PCDHGA4: variants seen among roughly 807,000 people sequenced by gnomAD.
PCDHGA4 encodes protocadherin gamma subfamily A, 4.
In PCDHGA4, 38 loss-of-function variants were observed where a neutral mutation model predicts 54.6. That is an observed-to-expected ratio of 0.70 (90% CI 0.54 to 0.91). PCDHGA4 has a LOEUF of 0.91. Among genes scored for constraint, PCDHGA4 ranks in the 40% least tolerant of loss-of-function variants. The pLI is 0.00. For synonymous variants in PCDHGA4, 511 were observed against 512.9 expected (o/e 1.00, Z 0.05); for missense variants, 1,298 against 1,220.9 (o/e 1.06, Z -0.94).
chr5:141,420,669 G>A (rs1018355067), intron 1 of PCDHGA4, among the ~76,000 whole-genome samples: 2 of 152,202 alleles, frequency 1.3e-5, no homozygotes, highest in South Asian at 2.1e-4. Context: ...CATCCTACCT[G>A]ATGATTTTAT....
At chr5:141,467,055 C>CTTTTTTTTTTTT (rs1193465269) in intron 1 of PCDHGA4, among the ~76,000 whole-genome samples, 1 of 134,498 alleles carries the variant, frequency 7.4e-6, no homozygotes. Context: ...TCAATGTTTT[C>CTTTTTTTTTTTT]TTTTTTTTTT....
At chr5:141,456,421 A>C (rs1358944131) in intron 1 of PCDHGA4, among the ~76,000 whole-genome samples, 1 of 152,150 alleles carries the variant, frequency 6.6e-6, no homozygotes, top group Non-Finnish European at 1.5e-5. Context: ...GAAACAATTC[A>C]AGTTATAGTA....
chr5:141,460,741 A>C (rs1378900827), intron 1 of PCDHGA4, among the ~76,000 whole-genome samples: 1 of 152,128 alleles, frequency 6.6e-6, no homozygotes, highest in African/African-American at 2.4e-5. Flanking sequence ...CACATTGTAT[A>C]TATATGTGTA....
chr5:141,389,230 T>G, intron 1 of PCDHGA4: 1 of 1,613,936 alleles, frequency 6.2e-7, no homozygotes, highest in Non-Finnish European at 8.5e-7. Flanking sequence ...AACGCTCCGG[T>G]TTTCTCACAG....
chr5:141,511,062 C>T lies in PCDHGA4; in HGVS notation c.2778C>T (p.Tyr926=), dbSNP rs775583963. The change falls in exon 4 of 4, where the codon TAC becomes TAT. Residue 926 remains tyrosine, a synonymous_variant. Transcript: ENST00000571252. ...TGCCCGACTACCGCCAGAATGTCTACATCCCAGGCAGCAATGCCACACTGA... is the reference window on the plus strand; with the variant it reads ...TGCCCGACTACCGCCAGAATGTCTATATCCCAGGCAGCAATGCCACACTGA... ...QHVPDYRQNV[Y]IPGSNATLTN... The T allele has an allele frequency of 6.2e-7, 1 of 1,614,246 alleles. No homozygotes were observed. The highest frequency in any genetic ancestry group is 1.3e-5 in the African/African-American group (1 of 75,064).
chr5:141,361,424 C>A (rs1231481755), intron 1 of PCDHGA4: 1 of 1,613,912 alleles, frequency 6.2e-7, no homozygotes, highest in East Asian at 2.2e-5. Flanking sequence ...GGGGGCAAGC[C>A]GCCCCTCTCC....
chr5:141,511,077 T>C lies in PCDHGA4; in HGVS notation c.2793T>C (p.Asn931=), dbSNP rs1279500774. ...YRQNVYIPGS[N]ATLTNAAGKR... is the part of the protein sequence containing the mutation. ...AGAATGTCTACATCCCAGGCAGCAA[T>C]GCCACACTGACCAACGCAGCTGGCA... is the stretch of plus-strand genomic sequence containing the variant. Residue 931 remains asparagine, a synonymous_variant, in exon 4 of 4, where the codon AAT becomes AAC. Transcript: ENST00000571252. 5 of 1,614,062 alleles carry C rather than the reference T, an allele frequency of 3.1e-6. No individual in the cohort carries two copies. The African/African-American group carries it at 6.7e-5, about 22-fold the overall frequency.
intron 1 of PCDHGA4, chr5:141,427,212 C>T (rs2097000434): frequency 4.4e-6 from 2 of 456,702 alleles, no homozygotes; most frequent in Non-Finnish European, 8.8e-6. Flanking sequence ...CTTCGAATTT[C>T]GTAGCAGTTA....
chr5:141,402,892 A>G, intron 1 of PCDHGA4: 10 of 1,498,814 alleles, frequency 6.7e-6, no homozygotes, highest in Non-Finnish European at 8.9e-6. Flanking sequence ...GGTGGAAGAA[A>G]GAACCTGATG....
chr5:141,403,308 T>C (rs1245270186), intron 1 of PCDHGA4: 2 of 1,613,866 alleles, frequency 1.2e-6, no homozygotes, highest in Admixed American at 1.7e-5. Flanking sequence ...CTGTACGGAA[T>C]AGAAATAGAA....
intron 1 of PCDHGA4, chr5:141,388,314 G>C: frequency 6.2e-7 from 1 of 1,613,824 alleles, no homozygotes; most frequent in Non-Finnish European, 8.5e-7. Context: ...GCAAATAAGT[G>C]AGTCTGCACA....
At chr5:141,409,632 C>G (rs1279542488) in intron 1 of PCDHGA4, 1 of 1,613,848 alleles carries the variant, frequency 6.2e-7, no homozygotes, top group East Asian at 2.2e-5. Context: ...GTGAGCGCCT[C>G]TGACCCGGAT....
At chr5:141,387,764 A>AT (rs1054166588) in intron 1 of PCDHGA4, 8 of 1,430,464 alleles carry the variant, frequency 5.6e-6, no homozygotes, top group Non-Finnish European at 7.4e-6. Context: ...AAAAAGAAGA[A>AT]TTTTTTCTTG....
At chr5:141,483,293 G>T (rs532959899) in intron 1 of PCDHGA4, among the ~76,000 whole-genome samples, 1 of 152,264 alleles carries the variant, frequency 6.6e-6, no homozygotes, top group Non-Finnish European at 1.5e-5. Flanking sequence ...TCAGTCATAA[G>T]TGAAGGGACT....
chr5:141,415,149 C>T, intron 1 of PCDHGA4: 1 of 1,613,796 alleles, frequency 6.2e-7, no homozygotes, highest in Middle Eastern at 1.6e-4. Context: ...AGCCCCCTCT[C>T]TCCGCCACTG....
intron 2 of PCDHGA4, 30 bp from the exon 3 acceptor site, chr5:141,505,361 AGT>A: frequency 6.2e-7 from 1 of 1,613,910 alleles, no homozygotes; most frequent in Non-Finnish European, 8.5e-7. Context: ...CCGGCCTGGG[AGT>A]CTGTGCTCAC....
chr5:141,478,509 G>C, intron 1 of PCDHGA4: 1 of 1,611,878 alleles, frequency 6.2e-7, no homozygotes, highest in Non-Finnish European at 8.5e-7. Context: ...GTGTTCTATA[G>C]GCAGGTGTTG....
chr5:141,452,463 G>A (rs2098741767), intron 1 of PCDHGA4, among the ~76,000 whole-genome samples: 1 of 152,160 alleles, frequency 6.6e-6, no homozygotes, highest in African/African-American at 2.4e-5. Flanking sequence ...AGCAGACGGA[G>A]CTAGGAAAAA....
Position 141,510,868 on chromosome 5 carries a change from T to C in PCDHGA4, c.2663-79T>C, listed in dbSNP as rs2099883142. 40 of 1,608,466 alleles carry C rather than the reference T, an allele frequency of 2.5e-5. No homozygotes were observed. The Middle Eastern group carries it at 4.9e-4, about 20-fold the overall frequency. On this transcript the variant is annotated intron_variant, in intron 3 of 3. Transcript: ENST00000571252. The stretch of plus-strand genomic sequence containing the variant: ...GCCCAGGGTGCTGTATAGGCATTCA[T>C]TAACTGCTGGGGATATAAGACAGTG...
Sources: gnomAD v4.1 joint callset for allele counts (sites outside exome capture counted in the v4.1 genomes callset) on GRCh38, gnomAD v4.1.1 for gene constraint, MANE v1.5 for transcripts, NCBI Gene and HGNC (gene_info 2026-07-23, HGNC 2026-07-21) for gene names.